The following ANK1 variants were observed in gnomAD, a reference collection of about 807,000 sequenced individuals.
ANK1 encodes the protein ankyrin-1.
Under a neutral mutation model 210.4 loss-of-function variants are expected in ANK1, and 51 were observed. That is an observed-to-expected ratio of 0.24 (90% CI 0.19 to 0.31). The LOEUF (loss-of-function observed/expected upper bound fraction) is 0.31. Among genes scored for constraint, ANK1 ranks in the 10% least tolerant of loss-of-function variants. The pLI, the probability that ANK1 is intolerant of heterozygous loss-of-function variation, is 1.00. For synonymous variants in ANK1, 967 were observed against 1,025.9 expected, an observed-to-expected ratio of 0.94 and a Z score of 1.10; for missense variants, 2,051 against 2,504.4, an observed-to-expected ratio of 0.82 and a Z score of 3.86.
At chr8:41,852,033 G>T (rs1002837623) in intron 1 of ANK1, among the ~76,000 whole-genome samples, 1 of 152,136 alleles carries the variant, frequency 6.6e-6, no homozygotes, top group African/African-American at 2.4e-5. Flanking sequence ...TTTTATAACT[G>T]AGGAAACTGA....
At chr8:41,796,549 G>GA (rs397947255) in intron 1 of ANK1, among the ~76,000 whole-genome samples, 1,466 of 121,388 alleles carry the variant, frequency 0.012, 25 homozygotes, top group African/African-American at 0.036. Flanking sequence ...TCTCTCCTTA[G>GA]AAAAAAAAAA....
intron 1 of ANK1, among the ~76,000 whole-genome samples, chr8:41,809,292 C>T (rs534399928): frequency 1.5e-4 from 23 of 152,236 alleles, no homozygotes; most frequent in Non-Finnish European, 3.2e-4. Context: ...ACTACATCTA[C>T]ACCAAATGCG....
At chr8:41,863,478 G>A (rs1168033764) in intron 1 of ANK1, among the ~76,000 whole-genome samples, 1 of 152,122 alleles carries the variant, frequency 6.6e-6, no homozygotes, top group Non-Finnish European at 1.5e-5. Flanking sequence ...CCAGCTAAAG[G>A]TAATTTCAAA....
intron 1 of ANK1, among the ~76,000 whole-genome samples, chr8:41,868,857 C>A (rs558251561): frequency 6.6e-6 from 1 of 152,246 alleles, no homozygotes; most frequent in Non-Finnish European, 1.5e-5. Flanking sequence ...ATGGGAGACA[C>A]TGCACCCAAG....
chr8:41,780,017 G>A (rs1050955979), intron 1 of ANK1, among the ~76,000 whole-genome samples: 7 of 152,140 alleles, frequency 4.6e-5, no homozygotes, highest in East Asian at 1.9e-4. Flanking sequence ...TACAGAGCAC[G>A]GTAGCCCCTT....
intron 2 of ANK1, among the ~76,000 whole-genome samples, chr8:41,744,982 G>A (rs116194189): frequency 0.02 from 2,983 of 152,318 alleles, 104 homozygotes; most frequent in African/African-American, 0.066. Flanking sequence ...CAGATGGAAG[G>A]AGGCTGATGA....
At chr8:41,892,624 T>TG (rs534614590) in intron 1 of ANK1, among the ~76,000 whole-genome samples, 247 of 152,318 alleles carry the variant, frequency 1.6e-3, no homozygotes, top group African/African-American at 5.7e-3. Flanking sequence ...ATGGTTCCAC[T>TG]GCCTCCCTAC....
intron 1 of ANK1, among the ~76,000 whole-genome samples, chr8:41,852,348 C>T (rs150124577): frequency 4.6e-5 from 7 of 152,284 alleles, no homozygotes; most frequent in South Asian, 2.1e-4. Flanking sequence ...CGGGCCGAAG[C>T]GGGGTGTGAA....
At chr8:41,673,325 C>T (rs921467518) in intron 37 of ANK1, among the ~76,000 whole-genome samples, 2 of 152,172 alleles carry the variant, frequency 1.3e-5, no homozygotes, top group African/African-American at 4.8e-5. Flanking sequence ...AGACGTTGCT[C>T]CTCTACTCAA....
At chr8:41,724,627 A>AGCCCCACCT in intron 6 of ANK1, 73 bp from the exon 7 acceptor site, 1 of 1,396,140 alleles carries the variant, frequency 7.2e-7, no homozygotes, top group Non-Finnish European at 9.9e-7. Flanking sequence ...CCTGGGATGC[A>AGCCCCACCT]GGAAACTCAG....
intron 1 of ANK1, among the ~76,000 whole-genome samples, chr8:41,831,474 C>T (rs1806593085): frequency 6.6e-6 from 1 of 151,784 alleles, no homozygotes; most frequent in Non-Finnish European, 1.5e-5. Context: ...ATGGTGAAAC[C>T]CCATCTCTAC....
At chr8:41,894,139 C>T (rs1392420717) in intron 1 of ANK1, among the ~76,000 whole-genome samples, 1 of 152,148 alleles carries the variant, frequency 6.6e-6, no homozygotes, top group East Asian at 1.9e-4. Flanking sequence ...AGCATCCCTA[C>T]ATCCCACCCC....
intron 38 of ANK1, among the ~76,000 whole-genome samples, chr8:41,669,375 C>A (rs1811525468): frequency 6.6e-6 from 1 of 152,066 alleles, no homozygotes; most frequent in South Asian, 2.1e-4. Flanking sequence ...CAGCTCACTG[C>A]AGCTCTGCAC....
In ANK1 at chr8:41,714,238, AG is replaced by A. The variant is rs1826989524; in HGVS notation, c.1717del (p.Leu573CysfsTer64). On this transcript the variant is annotated frameshift_variant, in exon 16 of 43. Coordinates refer to ENST00000289734, the MANE Select transcript of ANK1 (RefSeq NM_000037.4). LOFTEE classifies it high-confidence loss of function. ...NAAGKNGLTP[L>X]HVAVHHNNLD... ...GTTGTTGTGATGGACGGCCACGTGC[AG>A]GGGGGTCAGGCCATTCTGCAGGGGA... 4.5e-6 allele frequency: 7 copies of A among 1,552,386 alleles called. No homozygotes were observed. The highest frequency in any genetic ancestry group is 2.5e-5 in the South Asian group (2 of 81,232).
intron 1 of ANK1, among the ~76,000 whole-genome samples, chr8:41,830,809 G>C (rs1806458762): frequency 6.6e-6 from 1 of 152,202 alleles, no homozygotes; most frequent in African/African-American, 2.4e-5. Flanking sequence ...AATCATTGAA[G>C]AATAATTTTG....
chr8:41,866,251 G>A (rs145392523), intron 1 of ANK1, among the ~76,000 whole-genome samples: 11 of 152,318 alleles, frequency 7.2e-5, no homozygotes, highest in Admixed American at 2.0e-4. Context: ...GTGCAATGGC[G>A]TGATCACAGC....
intron 37 of ANK1, among the ~76,000 whole-genome samples, chr8:41,679,558 C>CTTTTTTTTT (rs869249907): frequency 4.4e-5 from 4 of 90,238 alleles, no homozygotes; most frequent in Non-Finnish European, 8.1e-5. Flanking sequence ...CCTGGACTTT[C>CTTTTTTTTT]TTTTTTTTTT....
intron 13 of ANK1, among the ~76,000 whole-genome samples, chr8:41,716,230 G>A (rs1390896427): frequency 2.0e-5 from 3 of 152,046 alleles, no homozygotes; most frequent in Admixed American, 6.5e-5. Context: ...CTGCTCATCC[G>A]TCTCCCACAT....
intron 1 of ANK1, among the ~76,000 whole-genome samples, chr8:41,895,771 C>T (rs1443010588): frequency 2.0e-5 from 3 of 152,088 alleles, no homozygotes; most frequent in Non-Finnish European, 4.4e-5. Context: ...CTACCAGATC[C>T]GGAGGGTCAG....
Sources: allele counts gnomAD v4.1 joint callset (sites outside exome capture counted in the v4.1 genomes callset), GRCh38; gene constraint gnomAD v4.1.1; transcripts MANE v1.5; gene names NCBI Gene and HGNC (gene_info 2026-07-23, HGNC 2026-07-21).